CORO7: variants seen among roughly 807,000 people sequenced by gnomAD.
The protein encoded by CORO7 is coronin 7, also known as coronin-7.
CORO7 carries 107 observed loss-of-function variants against 126.6 expected under a neutral mutation model. That is an observed-to-expected ratio of 0.85 (90% CI 0.72 to 0.99). CORO7 has a LOEUF of 0.99. Ranked by LOEUF, CORO7 falls within the 50% of genes least tolerant of loss-of-function variation. The pLI is 0.00. For synonymous variants in CORO7, 603 were observed against 536.8 expected (o/e 1.12, Z -1.70); for missense variants, 1,314 against 1,255.8 (o/e 1.05, Z -0.70).
chr16:4,357,089 G>C (rs890780266), intron 26 of CORO7, 79 bp downstream of exon 26: 3 of 1,567,440 alleles, frequency 1.9e-6, no homozygotes, highest in Non-Finnish European at 2.6e-6. Context: ...TCTGGGTTGG[G>C]GATGGAGAAC....
intron 9 of CORO7, chr16:4,382,602 G>A (rs559668575): frequency 2.1e-5 from 33 of 1,588,910 alleles, no homozygotes; most frequent in African/African-American, 4.0e-5. Context: ...GCAACCTGCC[G>A]CTCCTCATTG....
At chr16:4,375,403 G>A (rs2054682792) in intron 9 of CORO7, among the ~76,000 whole-genome samples, 1 of 152,248 alleles carries the variant, frequency 6.6e-6, no homozygotes, top group South Asian at 2.1e-4. Context: ...GCAACCCTCT[G>A]TCCTGGTGTT....
chr16:4,381,502 G>A (rs771045800), intron 9 of CORO7: 43 of 1,592,626 alleles, frequency 2.7e-5, no homozygotes, highest in Non-Finnish European at 2.7e-5. Context: ...GCAGCTGGAC[G>A]AGGGGCTCTT....
chr16:4,358,185 A>G, intron 24 of CORO7, 82 bp from the exon 25 acceptor site: 1 of 1,561,526 alleles, frequency 6.4e-7, no homozygotes, highest in Non-Finnish European at 8.7e-7. Context: ...GGGACAGGGC[A>G]AGACCTGGGA....
intron 1 of CORO7, among the ~76,000 whole-genome samples, chr16:4,416,250 G>C (rs972737370): frequency 2.6e-5 from 4 of 152,186 alleles, no homozygotes; most frequent in African/African-American, 4.8e-5. Flanking sequence ...CCGAGCGCCA[G>C]AGCGAGTCAC....
chr16:4,380,872 C>T (rs377240250), intron 9 of CORO7: 49 of 1,512,660 alleles, frequency 3.2e-5, no homozygotes, highest in African/African-American at 1.4e-5. Context: ...CTCCCAGGGA[C>T]AGAAGATGTG....
At chr16:4,396,891 C>CTGTAAT (rs2055611870) in intron 6 of CORO7, among the ~76,000 whole-genome samples, 1 of 151,522 alleles carries the variant, frequency 6.6e-6, no homozygotes, top group Non-Finnish European at 1.5e-5. Context: ...TGGCAGGCAC[C>CTGTAAT]TGTAATCCCA....
At chr16:4,360,010 A>G (rs1477772653) in intron 21 of CORO7, among the ~76,000 whole-genome samples, 2 of 110,612 alleles carry the variant, frequency 1.8e-5, no homozygotes, top group East Asian at 6.5e-4. Context: ...CCTTACCCCC[A>G]ACTCATCCAT....
chr16:4,408,768 G>C (rs746724333), intron 3 of CORO7, among the ~76,000 whole-genome samples: 9 of 152,318 alleles, frequency 5.9e-5, no homozygotes, highest in African/African-American at 2.2e-4. Context: ...TTCAAGACCA[G>C]CCTGGGCAAC....
At chr16:4,380,812 C>A in intron 9 of CORO7, 1 of 1,418,466 alleles carries the variant, frequency 7.0e-7, no homozygotes, top group Non-Finnish European at 9.2e-7. Flanking sequence ...CCTGGCGTGT[C>A]TGCCTTCTAG....
At chr16:4,383,964 A>G (rs1484698348) in intron 9 of CORO7, among the ~76,000 whole-genome samples, 4 of 152,062 alleles carry the variant, frequency 2.6e-5, no homozygotes, top group African/African-American at 4.8e-5. Flanking sequence ...GACCTTCTCT[A>G]CAGCGTCCCG....
intron 9 of CORO7, among the ~76,000 whole-genome samples, chr16:4,370,939 G>A (rs995684668): frequency 8.5e-5 from 13 of 152,374 alleles, no homozygotes; most frequent in African/African-American, 2.6e-4. Context: ...AGGCTCTGAG[G>A]CATGACTGAC....
chr16:4,378,110 A>G (rs1207988546), intron 9 of CORO7, among the ~76,000 whole-genome samples: 1 of 152,008 alleles, frequency 6.6e-6, no homozygotes, highest in South Asian at 2.1e-4. Flanking sequence ...ACGTGCCCCT[A>G]AGAGCTGGCC....
intron 9 of CORO7, among the ~76,000 whole-genome samples, chr16:4,374,086 CGTGTGT>C (rs112578905): frequency 1.3e-5 from 2 of 148,700 alleles, no homozygotes; most frequent in African/African-American, 4.9e-5. Context: ...GGAGGGTGCA[CGTGTGT>C]GTGTGTGTGT....
At chr16:4,355,636 T>G (rs9933254) in intron 26 of CORO7, 5,865 of 426,032 alleles carry the variant, frequency 0.014, 289 homozygotes, top group African/African-American at 0.11. Flanking sequence ...GCCCGGCTAA[T>G]TTTTTGTATT....
In CORO7 at chr16:4,359,616, CT is replaced by C; in HGVS notation, c.2113del (p.Ser705ValfsTer43). ...TTCATATAGGAGCAGCTGGCGCTCACTTTGGCTGCAAGGGGGTTTGGGGGCT... is the reference window on the plus strand; with the variant it reads ...TTCATATAGGAGCAGCTGGCGCTCACTTGGCTGCAAGGGGGTTTGGGGGCT... Reference protein sequence around the residue: ...CLLVSGFDSQSERQLLLYEAE... With the variant: ...CLLVSGFDSQXERQLLLYEAE... On this transcript the variant is annotated frameshift_variant, in exon 22 of 28. Transcript: ENST00000251166. LOFTEE classifies it high-confidence loss of function. 1.3e-6 allele frequency: 2 copies of C among 1,595,758 alleles called. No individual in the cohort carries two copies. Among genetic ancestry groups the C allele is most frequent in the Non-Finnish European group, 1.7e-6 (2 of 1,168,752 alleles).
intron 4 of CORO7, 43 bp from the exon 5 acceptor site, chr16:4,407,727 C>G (rs2056058692): frequency 1.3e-6 from 2 of 1,517,402 alleles, no homozygotes; most frequent in Non-Finnish European, 1.8e-6. Flanking sequence ...CTGAGGGCCT[C>G]ACTGCCTTGA....
At chr16:4,407,354 T>C (rs1315356889) in intron 5 of CORO7, 147 bp downstream of exon 5, 1 of 899,352 alleles carries the variant, frequency 1.1e-6, no homozygotes, top group Non-Finnish European at 1.6e-6. Flanking sequence ...TATTACAGCC[T>C]CATAGAATCT....
chr16:4,359,463 C>T lies in CORO7; in HGVS notation c.2250+17G>A, dbSNP rs905412530. On this transcript the variant is annotated intron_variant, in intron 22 of 27. Transcript: ENST00000251166. ...CACCACCTCTCACCTGCCATCCCGC[C>T]CTCCAGCCCAGCCCACCTTGCCGGT... 3.1e-6 allele frequency: 5 copies of T among 1,613,392 alleles called. No homozygotes were observed. The highest frequency in any genetic ancestry group is 2.2e-5 in the East Asian group (1 of 44,892).
Sources: gnomAD v4.1 joint callset for allele counts (sites outside exome capture counted in the v4.1 genomes callset) on GRCh38, gnomAD v4.1.1 for gene constraint, MANE v1.5 for transcripts, NCBI Gene and HGNC (gene_info 2026-07-23, HGNC 2026-07-21) for gene names.